Variants in RXRG observed in about 807,000 individuals in gnomAD.
RXRG encodes retinoid X receptor gamma, also known as retinoic acid receptor RXR-gamma.
Under a neutral mutation model 49.2 loss-of-function variants are expected in RXRG, and 19 were observed. The ratio of observed to expected loss-of-function variants is 0.39; its 90% confidence interval spans 0.27 to 0.57. RXRG has a LOEUF of 0.57. Among genes scored for constraint, RXRG ranks in the 20% least tolerant of loss-of-function variants. The pLI, the probability that RXRG is intolerant of heterozygous loss-of-function variation, is 0.64. For missense variants in RXRG, 452 were observed against 592.5 expected (o/e 0.76, Z 2.46); for synonymous variants, 224 against 216.6 (o/e 1.03, Z -0.30).
intron 9 of RXRG, among the ~76,000 whole-genome samples, chr1:165,403,980 G>A (rs1440484443): frequency 6.6e-6 from 1 of 152,212 alleles, no homozygotes; most frequent in Non-Finnish European, 1.5e-5. Flanking sequence ...GAGTGTGTGT[G>A]TGAGTTCTGT....
intron 8 of RXRG, among the ~76,000 whole-genome samples, chr1:165,407,989 C>G (rs540356121): frequency 6.0e-4 from 91 of 152,300 alleles, no homozygotes; most frequent in Admixed American, 3.2e-3. Context: ...ACCCCCTTCA[C>G]TGCCACCCTG....
At position 165,406,940 on chromosome 1, in the gene RXRG, C is replaced by G. The variant is rs370161886; in HGVS notation, c.1139-23G>C. 62 of 1,537,556 alleles carry G rather than the reference C, an allele frequency of 4.0e-5. No homozygotes were observed. The African/African-American group carries it at 6.7e-4, about 17-fold the overall frequency. On this transcript the variant is annotated intron_variant, in intron 8 of 9. Coordinates refer to ENST00000359842, the MANE Select transcript of RXRG (RefSeq NM_006917.5). ...CATCTAAAAGACATGACTGAGTTAG[C>G]CTTTGATTACACACCCTCCAGCAGA...
intron 1 of RXRG, among the ~76,000 whole-genome samples, chr1:165,442,020 T>G (rs1475460790): frequency 6.6e-6 from 1 of 152,222 alleles, no homozygotes; most frequent in Admixed American, 6.5e-5. Context: ...TCAGGTGTTA[T>G]TTCCAAAAGG....
intron 1 of RXRG, among the ~76,000 whole-genome samples, chr1:165,443,481 G>A (rs1659067461): frequency 6.6e-6 from 1 of 152,174 alleles, no homozygotes; most frequent in South Asian, 2.1e-4. Flanking sequence ...CTGGCCCAAA[G>A]AACTTGAACA....
intron 4 of RXRG, 129 bp downstream of exon 4, chr1:165,416,912 G>C (rs1028778839): frequency 1.5e-5 from 13 of 883,998 alleles, no homozygotes; most frequent in Non-Finnish European, 2.2e-5. Context: ...AGCCCTGTGG[G>C]AAAGAAATTT....
intron 8 of RXRG, 88 bp downstream of exon 8, chr1:165,408,139 G>T: frequency 2.0e-6 from 2 of 980,250 alleles, no homozygotes; most frequent in Non-Finnish European, 3.3e-6. Context: ...TCTCAGCTGA[G>T]ATGGAGGACC....
intron 1 of RXRG, among the ~76,000 whole-genome samples, chr1:165,431,517 G>A (rs1344367778): frequency 6.6e-6 from 1 of 152,232 alleles, no homozygotes; most frequent in East Asian, 1.9e-4. Context: ...AAACTCCACT[G>A]AGAAGACAGC....
intron 3 of RXRG, among the ~76,000 whole-genome samples, chr1:165,418,110 CAAAAAAAAAAAA>C (rs57782668): frequency 2.8e-4 from 21 of 73,858 alleles, no homozygotes; most frequent in Admixed American, 1.5e-3. Flanking sequence ...GATCCCGTCT[CAAAAAAAAAAAA>C]AAAAAAAAAA....
chr1:165,433,159 T>A (rs1222652594), intron 1 of RXRG, among the ~76,000 whole-genome samples: 1 of 152,126 alleles, frequency 6.6e-6, no homozygotes, highest in Non-Finnish European at 1.5e-5. Context: ...CATTTTTCCA[T>A]CCCTTCCATC....
In RXRG at chr1:165,420,140, G is replaced by A. The variant is rs1231011417; in HGVS notation, c.298-126C>T. The stretch of plus-strand genomic sequence containing the variant: ...TCAAGAAACAGTTTCCAAGTACAGA[G>A]TATTTGAAACTGCCTATCTGTGAGA... On this transcript the variant is annotated intron_variant, in intron 2 of 9. Transcript: ENST00000359842. The A allele has an allele frequency of 2.1e-5, 15 of 730,954 alleles. No individual in the cohort carries two copies. In the South Asian group the frequency reaches 2.4e-4, roughly 12 times the overall value. The allele number at this position is 730,954 out of a possible 1,614,324, so 45.3% of individuals were successfully genotyped here.
In RXRG at chr1:165,406,997, T is replaced by C. The variant is rs1657777601; in HGVS notation, c.1139-80A>G. ...CCCCATTCTCTCTGGCCACTCTCTG[T>C]AGAGTTACTAGAGACACCCTGGATG... On this transcript the variant is annotated intron_variant, in intron 8 of 9. Coordinates refer to ENST00000359842, the MANE Select transcript of RXRG (RefSeq NM_006917.5). The C allele has an allele frequency of 3.4e-6, 3 of 893,476 alleles. No individual in the cohort carries two copies. In the East Asian group the frequency reaches 7.6e-5, roughly 23 times the overall value. The allele number at this position is 893,476 out of a possible 1,614,324, so 55.3% of individuals were successfully genotyped here.
At chr1:165,430,253 T>A (rs1230534432) in intron 1 of RXRG, among the ~76,000 whole-genome samples, 1 of 152,142 alleles carries the variant, frequency 6.6e-6, no homozygotes, top group Non-Finnish European at 1.5e-5. Context: ...ATGCCTGACT[T>A]TATGTGGCTC....
At position 165,406,924 on chromosome 1, in the gene RXRG, G is replaced by T; in HGVS notation, c.1139-7C>A. The T allele has an allele frequency of 6.2e-7, 1 of 1,602,720 alleles. No individual in the cohort carries two copies. Among genetic ancestry groups the T allele is most frequent in the Non-Finnish European group, 8.5e-7 (1 of 1,170,272 alleles). On this transcript the variant is annotated splice_region_variant and splice_polypyrimidine_tract_variant and intron_variant, in intron 8 of 9. Coordinates refer to ENST00000359842, the MANE Select transcript of RXRG (RefSeq NM_006917.5). ...TTGGACAGGCCCTTGGCATCTAAAA[G>T]ACATGACTGAGTTAGCCTTTGATTA...
intron 8 of RXRG, among the ~76,000 whole-genome samples, chr1:165,407,548 T>C (rs1657794499): frequency 6.6e-6 from 1 of 152,144 alleles, no homozygotes; most frequent in Non-Finnish European, 1.5e-5. Flanking sequence ...GCCCCAGGGC[T>C]CAGTCCCCAG....
intron 9 of RXRG, among the ~76,000 whole-genome samples, chr1:165,404,458 A>G (rs981868234): frequency 5.3e-5 from 8 of 152,242 alleles, no homozygotes; most frequent in Non-Finnish European, 1.0e-4. Flanking sequence ...GAAACAACCC[A>G]AATGTCAATC....
intron 9 of RXRG, among the ~76,000 whole-genome samples, chr1:165,406,375 C>T (rs1657750231): frequency 6.6e-6 from 1 of 152,212 alleles, no homozygotes; most frequent in African/African-American, 2.4e-5. Context: ...TGGGGGCAGA[C>T]CAGAAAGCAA....
chr1:165,401,294 T>G lies in RXRG; in HGVS notation c.1361A>C (p.Glu454Ala). ...GATCTGCAGCGGGGTCTCCAACATCTCCATGAGGAAGGTGTCAATGGGGGT... is the reference window on the plus strand; with the variant it reads ...GATCTGCAGCGGGGTCTCCAACATCGCCATGAGGAAGGTGTCAATGGGGGT... ...GDTPIDTFLM[E>A]MLETPLQIT Residue 454 changes from glutamate to alanine, a missense_variant, in exon 10 of 10, where the codon GAG (glutamate) becomes GCG (alanine). Around this residue, in one of 2 missense-constraint regions of RXRG, gnomAD observed 286 missense variants for 440.9 expected, o/e 0.65. Coordinates refer to ENST00000359842, the MANE Select transcript of RXRG (RefSeq NM_006917.5). 6.2e-7 allele frequency: 1 copy of G among 1,614,028 alleles called. No individual in the cohort carries two copies. Among genetic ancestry groups the G allele is most frequent in the Non-Finnish European group, 8.5e-7 (1 of 1,180,006 alleles).
chr1:165,417,254 T>G, intron 3 of RXRG, 34 bp from the exon 4 acceptor site: 3 of 1,556,836 alleles, frequency 1.9e-6, no homozygotes, highest in Non-Finnish European at 2.6e-6. Context: ...CATAGATTGT[T>G]CTTGTGTTTA....
At chr1:165,410,893 C>T in intron 5 of RXRG, 56 bp downstream of exon 5, 1 of 1,613,314 alleles carries the variant, frequency 6.2e-7, no homozygotes, top group Non-Finnish European at 8.5e-7. Context: ...CCCCTTTCTC[C>T]CATTTCCAGC....
Sources: gnomAD v4.1 joint callset for allele counts (sites outside exome capture counted in the v4.1 genomes callset) on GRCh38, gnomAD v4.1.1 for gene constraint, gnomAD v4.1.1 regional missense constraint, MANE v1.5 for transcripts, NCBI Gene and HGNC (gene_info 2026-07-23, HGNC 2026-07-21) for gene names.